The following KCNB2 variants were observed in gnomAD, a reference collection of about 807,000 sequenced individuals.
KCNB2 encodes the protein delayed rectifier potassium channel protein.
In KCNB2, 15 loss-of-function variants were observed where a neutral mutation model predicts 61.5. The ratio of observed to expected loss-of-function variants is 0.24; its 90% CI spans 0.16 to 0.38. The LOEUF (loss-of-function observed/expected upper bound fraction) is 0.38. KCNB2 is among the 10% of genes least tolerant of loss of function. The pLI is 1.00. For missense variants in KCNB2, 828 were observed against 1,125.2 expected, an observed-to-expected ratio of 0.74 and a Z score of 3.78; for synonymous variants, 457 against 446.0, an observed-to-expected ratio of 1.02 and a Z score of -0.31.
rs1563404693 is a variant in KCNB2, at chr8:72,851,845, A to AAAAAAAAAAAAAAAAAAAAAAAAC, written c.580-84087_580-84086insAAAAAAAAAAAAAAAAAAAACAAA. Among the ~76,000 whole-genome samples, 5 of 148,028 alleles carry AAAAAAAAAAAAAAAAAAAAAAAAC rather than the reference A, an allele frequency of 3.4e-5. 1 individual carries two copies. Among genetic ancestry groups the AAAAAAAAAAAAAAAAAAAAAAAAC allele is most frequent in the African/African-American group, 1.3e-4 (5 of 39,518 alleles). On this transcript the variant is annotated intron_variant, in intron 2 of 2. Transcript: ENST00000523207. Reference sequence around the variant, plus strand: ...CTGTAGGAAAAAAAAAAAAAAAAAAAAAACACGTACTGCTGAGTTCCAGGA... The same window carrying AAAAAAAAAAAAAAAAAAAAAAAAC: ...CTGTAGGAAAAAAAAAAAAAAAAAAAAAAAAAAAAAAAAAAAAAAAAAACAAACACGTACTGCTGAGTTCCAGGA...
rs113252721 is a variant in KCNB2, at chr8:72,910,309, T to C, written c.580-25626T>C. Among the ~76,000 whole-genome samples, 519 of 152,190 alleles carry C rather than the reference T, an allele frequency of 3.4e-3. 4 individuals are homozygous for C. Among genetic ancestry groups the C allele is most frequent in the Non-Finnish European group, 6.3e-3 (431 of 67,994 alleles). ...CGGTAGTGGGATAGTGTTGGTGGGA[T>C]TAGTAATGTCATCTACCCTGGAAAT... On this transcript the variant is annotated intron_variant, in intron 2 of 2. Transcript: ENST00000523207.
chr8:72,883,573 CTT>C (rs1261890149), intron 2 of KCNB2, among the ~76,000 whole-genome samples: 1 of 152,196 alleles, frequency 6.6e-6, no homozygotes, highest in Non-Finnish European at 1.5e-5. Context: ...GAAGCTAACA[CTT>C]TGCCATATGG....
At chr8:72,585,451 C>CT (rs1211782872) in intron 2 of KCNB2, among the ~76,000 whole-genome samples, 2 of 152,232 alleles carry the variant, frequency 1.3e-5, no homozygotes, top group African/African-American at 4.8e-5. Context: ...TCTTCTCTCT[C>CT]TTTCTGATGC....
At chr8:72,746,749 T>C (rs1463148543) in intron 2 of KCNB2, among the ~76,000 whole-genome samples, 1 of 152,170 alleles carries the variant, frequency 6.6e-6, no homozygotes, top group Non-Finnish European at 1.5e-5. Context: ...TGAAGAACTC[T>C]GTGGGAGATG....
intron 2 of KCNB2, among the ~76,000 whole-genome samples, chr8:72,913,353 G>T (rs552562541): frequency 6.6e-6 from 1 of 152,258 alleles, no homozygotes; most frequent in East Asian, 1.9e-4. Context: ...GGACAGTATG[G>T]TTGTAAGATA....
At chr8:72,809,765 A>G (rs753741965) in intron 2 of KCNB2, among the ~76,000 whole-genome samples, 2 of 152,206 alleles carry the variant, frequency 1.3e-5, no homozygotes, top group Non-Finnish European at 2.9e-5. Flanking sequence ...CTTCCACCTT[A>G]AAATTTAGAA....
At chr8:72,725,527 A>ATATATGTGTG (rs1807620341) in intron 2 of KCNB2, among the ~76,000 whole-genome samples, 1 of 91,006 alleles carries the variant, frequency 1.1e-5, no homozygotes, top group African/African-American at 4.7e-5. Flanking sequence ...ATATATATAT[A>ATATATGTGTG]TATATATATA....
At chr8:72,597,001 C>CTTTTTTTTTTTTTTTTTTTTTTTTTTTTT (rs869160203) in intron 2 of KCNB2, among the ~76,000 whole-genome samples, 1 of 64,660 alleles carries the variant, frequency 1.5e-5, no homozygotes, top group South Asian at 7.6e-4. Flanking sequence ...TGCTTGCTTG[C>CTTTTTTTTTTTTTTTTTTTTTTTTTTTTT]TTTTTTTTTT....
At chr8:72,667,100 C>A (rs1041735260) in intron 2 of KCNB2, among the ~76,000 whole-genome samples, 1 of 151,992 alleles carries the variant, frequency 6.6e-6, no homozygotes, top group African/African-American at 2.4e-5. Context: ...TATGTAAATT[C>A]TCTATGTCTT....
At chr8:72,587,416 T>A (rs1013447092) in intron 2 of KCNB2, among the ~76,000 whole-genome samples, 1 of 152,142 alleles carries the variant, frequency 6.6e-6, no homozygotes, top group Non-Finnish European at 1.5e-5. Context: ...ACTTATGTAG[T>A]CTTAGTCCAA....
chr8:72,634,467 G>C (rs1805934355), intron 2 of KCNB2, among the ~76,000 whole-genome samples: 1 of 152,172 alleles, frequency 6.6e-6, no homozygotes, highest in South Asian at 2.1e-4. Flanking sequence ...GCCACACTTT[G>C]AGTGGTAAGA....
Position 72,920,465 on chromosome 8 carries a change from C to G in KCNB2, c.580-15470C>G, listed in dbSNP as rs57446749. Among the ~76,000 whole-genome samples, 48 of 71,014 alleles carry G rather than the reference C, an allele frequency of 6.8e-4. 3 individuals carry two copies. Among genetic ancestry groups the G allele is most frequent in the Middle Eastern group, 7.9e-3 (1 of 126 alleles). The allele number at this position is 71,014 out of a possible 152,430, so 46.6% of individuals were successfully genotyped here. A position where few individuals can be genotyped will look rare whatever the true frequency, so the allele number is the denominator to read the frequency against. ...TATATCTATCTATCTATCTATCTAT[C>G]TATCTATCTATATATATATATATTA... On this transcript the variant is annotated intron_variant, in intron 2 of 2. Coordinates refer to ENST00000523207, the MANE Select transcript of KCNB2 (RefSeq NM_004770.3).
At chr8:72,873,727 G>T (rs952179907) in intron 2 of KCNB2, among the ~76,000 whole-genome samples, 6 of 152,218 alleles carry the variant, frequency 3.9e-5, no homozygotes, top group African/African-American at 1.4e-4. Flanking sequence ...CAGACCCATG[G>T]TCCTACACAA....
At chr8:72,723,674 G>T (rs1807587094) in intron 2 of KCNB2, among the ~76,000 whole-genome samples, 1 of 152,112 alleles carries the variant, frequency 6.6e-6, no homozygotes, top group Non-Finnish European at 1.5e-5. Context: ...AGGTAGAATT[G>T]CTTCCCTTAC....
intron 2 of KCNB2, among the ~76,000 whole-genome samples, chr8:72,754,108 T>C (rs1808246308): frequency 6.6e-6 from 1 of 152,130 alleles, no homozygotes; most frequent in Non-Finnish European, 1.5e-5. Context: ...CACTCTGAAC[T>C]GGAGCTATCA....
At chr8:72,596,448 C>T (rs984760269) in intron 2 of KCNB2, among the ~76,000 whole-genome samples, 1 of 152,054 alleles carries the variant, frequency 6.6e-6, no homozygotes, top group Admixed American at 6.6e-5. Context: ...ATGATAAATG[C>T]GATGATTTTA....
At chr8:72,595,884 T>G (rs1474717185) in intron 2 of KCNB2, among the ~76,000 whole-genome samples, 2 of 152,136 alleles carry the variant, frequency 1.3e-5, no homozygotes, top group Non-Finnish European at 2.9e-5. Context: ...TTCTATGGCT[T>G]TTTTCACGGT....
intron 2 of KCNB2, among the ~76,000 whole-genome samples, chr8:72,748,323 T>C (rs940962927): frequency 1.3e-5 from 2 of 152,192 alleles, no homozygotes; most frequent in Non-Finnish European, 2.9e-5. Context: ...TGATTTTATG[T>C]CATTCAGCCT....
At chr8:72,922,702 T>C (rs1806547154) in intron 2 of KCNB2, among the ~76,000 whole-genome samples, 1 of 152,208 alleles carries the variant, frequency 6.6e-6, no homozygotes, top group Non-Finnish European at 1.5e-5. Context: ...TCATTGTGGA[T>C]TAAGTGTCAA....
Sources: gnomAD v4.1 joint callset for allele counts (sites outside exome capture counted in the v4.1 genomes callset) on GRCh38, gnomAD v4.1.1 for gene constraint, MANE v1.5 for transcripts, NCBI Gene and HGNC (gene_info 2026-07-23, HGNC 2026-07-21) for gene names.